Variants in CELF2 observed in about 807,000 individuals in gnomAD.
CELF2 encodes the protein CUG triplet repeat RNA-binding protein 2.
A neutral mutation model predicts 62.6 loss-of-function variants in CELF2; 8 were observed. That is an observed-to-expected ratio of 0.13 (90% CI 0.07 to 0.23). CELF2 has a LOEUF of 0.23. CELF2 is among the 10% of genes least tolerant of loss of function. The pLI, the probability that CELF2 is intolerant of heterozygous loss-of-function variation, is 1.00. For missense variants in CELF2, 333 were observed against 671.0 expected (o/e 0.50, Z 5.56); for synonymous variants, 258 against 250.0 (o/e 1.03, Z -0.30).
the CELF2 span, among the ~76,000 whole-genome samples, chr10:10,650,544 A>G: frequency 4.3e-4 from 65 of 152,308 alleles, 1 homozygote; most frequent in African/African-American, 1.5e-3. Context: ...GAAACAGCCT[A>G]AGCATTTATT....
At chr10:11,129,339 C>G (rs1223118015) in intron 1 of CELF2, among the ~76,000 whole-genome samples, 1 of 152,106 alleles carries the variant, frequency 6.6e-6, no homozygotes, top group African/African-American at 2.4e-5. Context: ...CTAAAACTCT[C>G]TTTTTTTGTT....
At chr10:11,132,949 G>A (rs565603620) in intron 1 of CELF2, among the ~76,000 whole-genome samples, 3 of 152,292 alleles carry the variant, frequency 2.0e-5, no homozygotes, top group South Asian at 2.1e-4. Flanking sequence ...GTGGTGATCT[G>A]TATCAGAAGC....
the CELF2 span, among the ~76,000 whole-genome samples, chr10:10,490,493 G>T: frequency 2.6e-5 from 4 of 152,058 alleles, no homozygotes; most frequent in African/African-American, 9.7e-5. Context: ...TGGAGGAAAA[G>T]GGGTATTTTT....
At chr10:10,914,471 GA>G (rs933327946) in intron 1 of CELF2, among the ~76,000 whole-genome samples, 8 of 152,186 alleles carry the variant, frequency 5.3e-5, no homozygotes, top group South Asian at 4.1e-4. Flanking sequence ...AAAATTAAAA[GA>G]TTTTTTTTAA....
chr10:10,713,900 C>T, the CELF2 span, among the ~76,000 whole-genome samples: 17 of 151,962 alleles, frequency 1.1e-4, no homozygotes, highest in African/African-American at 1.2e-4. Flanking sequence ...CTGGGTGTGG[C>T]GGCACGTGTC....
At chr10:10,528,059 G>C in the CELF2 span, among the ~76,000 whole-genome samples, 73,340 of 152,010 alleles carry the variant, frequency 0.48, 18,556 homozygotes, top group South Asian at 0.65. Flanking sequence ...GCCTGCAGAT[G>C]TCTAACTCAT....
chr10:11,202,025 C>T (rs1276753612), intron 2 of CELF2, among the ~76,000 whole-genome samples: 2 of 152,252 alleles, frequency 1.3e-5, no homozygotes, highest in South Asian at 2.1e-4. Flanking sequence ...ACTGCATAGA[C>T]AAGATCATGA....
the CELF2 span, among the ~76,000 whole-genome samples, chr10:10,586,020 A>G: frequency 2.0e-5 from 3 of 152,348 alleles, no homozygotes; most frequent in African/African-American, 7.2e-5. Context: ...ATTAATCTGG[A>G]GAGATAATTA....
At chr10:10,982,434 A>G (rs1189303641) in intron 2 of CELF2, among the ~76,000 whole-genome samples, 1 of 152,198 alleles carries the variant, frequency 6.6e-6, no homozygotes, top group African/African-American at 2.4e-5. Context: ...AATAACACAG[A>G]AAATGAATTA....
chr10:10,930,066 T>G (rs1456538088), intron 2 of CELF2, among the ~76,000 whole-genome samples: 2 of 152,248 alleles, frequency 1.3e-5, no homozygotes, highest in Admixed American at 1.3e-4. Flanking sequence ...TAGATGCGTA[T>G]AAGAATCCAT....
At chr10:10,852,323 A>G (rs2059433049) in intron 1 of CELF2, among the ~76,000 whole-genome samples, 1 of 152,234 alleles carries the variant, frequency 6.6e-6, no homozygotes. Context: ...GATTATACTG[A>G]ATGAAAAAAG....
chr10:11,063,543 A>C (rs1037365790), intron 1 of CELF2, among the ~76,000 whole-genome samples: 6 of 152,264 alleles, frequency 3.9e-5, no homozygotes, highest in African/African-American at 1.4e-4. Flanking sequence ...AAGTTAAAGC[A>C]TCATAAATAA....
At position 11,319,015 on chromosome 10, in the gene CELF2, G is replaced by A. The variant is rs770830439; in HGVS notation, c.1097-2174G>A. ...GGAGACGAGCTGCTGTCTTCAGCCC[G>A]TCCTCGTCTGGCAGCAAGGCCCCAC... On this transcript the variant is annotated intron_variant, in intron 10 of 12. Coordinates refer to ENST00000633077, the MANE Select transcript of CELF2 (RefSeq NM_001326342.2). This position sits in a 1 kb window ranked among gnomAD's most constrained non-coding sequence, Gnocchi z 4.4. The A allele has an allele frequency of 6.6e-5, 31 of 470,926 alleles. No homozygotes were observed. Among genetic ancestry groups the A allele is most frequent in the South Asian group, 3.7e-4 (24 of 64,568 alleles). 29.2% of individuals were successfully genotyped at this position (470,926 alleles called of 1,614,324 possible). A position where few individuals can be genotyped will look rare whatever the true frequency, so the allele number is the denominator to read the frequency against.
chr10:10,818,880 C>T (rs1004104911), intron 1 of CELF2, among the ~76,000 whole-genome samples: 2 of 152,232 alleles, frequency 1.3e-5, no homozygotes, highest in South Asian at 2.1e-4. Flanking sequence ...GCCCAGACAG[C>T]GTGGCATATT....
chr10:10,868,712 G>C (rs2060537940), intron 1 of CELF2, among the ~76,000 whole-genome samples: 1 of 152,172 alleles, frequency 6.6e-6, no homozygotes, highest in Non-Finnish European at 1.5e-5. Context: ...TTTAACCTGT[G>C]AGCATGTTCT....
chr10:11,094,819 G>A (rs2049332059), intron 1 of CELF2, among the ~76,000 whole-genome samples: 1 of 152,140 alleles, frequency 6.6e-6, no homozygotes, highest in South Asian at 2.1e-4. Flanking sequence ...GAGACTGCTT[G>A]GTGTAATCCC....
chr10:10,891,462 T>C (rs377568062), intron 1 of CELF2, among the ~76,000 whole-genome samples: 1 of 151,934 alleles, frequency 6.6e-6, no homozygotes, highest in African/African-American at 2.4e-5. Context: ...ACCGAATGTC[T>C]TCTCTGTGCC....
chr10:11,050,942 A>G (rs1232775866), intron 1 of CELF2, among the ~76,000 whole-genome samples: 1 of 152,156 alleles, frequency 6.6e-6, no homozygotes, highest in Admixed American at 6.5e-5. Context: ...ATCCTCCTCC[A>G]TAAAGCTTCC....
chr10:10,470,274 C>A, the CELF2 span, among the ~76,000 whole-genome samples: 1 of 151,642 alleles, frequency 6.6e-6, no homozygotes, highest in African/African-American at 2.4e-5. Flanking sequence ...TGTCTTCTAC[C>A]CCTTTTTTTT....
Sources: gnomAD v4.1 joint callset for allele counts (sites outside exome capture counted in the v4.1 genomes callset) on GRCh38, gnomAD v4.1.1 for gene constraint, Gnocchi (gnomAD v3.1) non-coding constraint, MANE v1.5 for transcripts, NCBI Gene and HGNC (gene_info 2026-07-23, HGNC 2026-07-21) for gene names.